Variants in SLC24A2 observed in about 807,000 individuals in gnomAD.
The protein encoded by SLC24A2 is sodium/potassium/calcium exchanger 2.
Under a neutral mutation model 62.0 loss-of-function variants are expected in SLC24A2, and 36 were observed. That is an observed-to-expected ratio of 0.58 (90% CI 0.44 to 0.77). The LOEUF is 0.77. SLC24A2 is among the 30% of genes least tolerant of loss of function. SLC24A2 has a pLI of 0.00. For missense variants in SLC24A2, 846 were observed against 817.9 expected (o/e 1.03, Z -0.42); for synonymous variants, 358 against 294.0 (o/e 1.22, Z -2.23).
intron 8 of SLC24A2, among the ~76,000 whole-genome samples, chr9:19,542,351 G>C (rs202033479): frequency 6.6e-6 from 1 of 152,198 alleles, no homozygotes; most frequent in Non-Finnish European, 1.5e-5. Context: ...TGGGACAATA[G>C]AGTTTTCTAA....
the SLC24A2 span, among the ~76,000 whole-genome samples, chr9:20,127,099 T>A: frequency 6.6e-6 from 1 of 152,180 alleles, no homozygotes; most frequent in African/African-American, 2.4e-5. Context: ...CTTCTCTTCA[T>A]GTCTTTAAAA....
At chr9:20,193,152 T>C in the SLC24A2 span, among the ~76,000 whole-genome samples, 2 of 152,280 alleles carry the variant, frequency 1.3e-5, no homozygotes, top group East Asian at 1.9e-4. Flanking sequence ...CATGCCTTGA[T>C]ATTGAGTATA....
At chr9:20,019,136 A>G in the SLC24A2 span, among the ~76,000 whole-genome samples, 1 of 132,996 alleles carries the variant, frequency 7.5e-6, no homozygotes, top group African/African-American at 3.2e-5. Flanking sequence ...AAAGAAAGAA[A>G]GAAAGAAAGA....
chr9:20,180,748 A>C, the SLC24A2 span, among the ~76,000 whole-genome samples: 2 of 152,156 alleles, frequency 1.3e-5, no homozygotes, highest in African/African-American at 2.4e-5. Context: ...ACAAACCTCC[A>C]AGCCATGTAG....
At chr9:19,721,954 G>A (rs1821038986) in intron 2 of SLC24A2, among the ~76,000 whole-genome samples, 1 of 151,960 alleles carries the variant, frequency 6.6e-6, no homozygotes, top group Admixed American at 6.6e-5. Flanking sequence ...CTCTTTGTCT[G>A]TCTTTTACTC....
At chr9:19,844,539 T>A in the SLC24A2 span, among the ~76,000 whole-genome samples, 1 of 152,130 alleles carries the variant, frequency 6.6e-6, no homozygotes, top group Non-Finnish European at 1.5e-5. Flanking sequence ...TTTGTCAATT[T>A]TTTTTGTTGT....
chr9:20,051,008 ATAGT>A, the SLC24A2 span, among the ~76,000 whole-genome samples: 1 of 152,228 alleles, frequency 6.6e-6, no homozygotes, highest in African/African-American at 2.4e-5. Flanking sequence ...TAGAAGGTAC[ATAGT>A]GAGATGGTAG....
At chr9:19,712,208 T>G (rs779938604) in intron 2 of SLC24A2, among the ~76,000 whole-genome samples, 7 of 152,214 alleles carry the variant, frequency 4.6e-5, no homozygotes, top group Admixed American at 1.3e-4. Context: ...GTTAGGAATG[T>G]GATGTGGCTA....
chr9:19,543,392 T>C (rs1380157345), intron 8 of SLC24A2, among the ~76,000 whole-genome samples: 1 of 14,498 alleles, frequency 6.9e-5, no homozygotes, highest in Non-Finnish European at 3.1e-4. Flanking sequence ...GATTCATTGA[T>C]TTTTTTTTTT....
At chr9:19,889,996 T>A in the SLC24A2 span, among the ~76,000 whole-genome samples, 1 of 151,502 alleles carries the variant, frequency 6.6e-6, no homozygotes, top group African/African-American at 2.4e-5. Flanking sequence ...TCCATACTTC[T>A]CTTTGCACAC....
chr9:19,559,505 G>A (rs1334110047), intron 7 of SLC24A2, among the ~76,000 whole-genome samples: 1 of 152,164 alleles, frequency 6.6e-6, no homozygotes, highest in Non-Finnish European at 1.5e-5. Context: ...CAGGGGGCAA[G>A]ACTCATAATA....
At chr9:19,745,931 T>C (rs1821818755) in intron 2 of SLC24A2, among the ~76,000 whole-genome samples, 1 of 152,172 alleles carries the variant, frequency 6.6e-6, no homozygotes, top group Non-Finnish European at 1.5e-5. Flanking sequence ...TGACATATCA[T>C]AGCCCTTTCT....
chr9:20,246,649 G>C, the SLC24A2 span, among the ~76,000 whole-genome samples: 2 of 152,220 alleles, frequency 1.3e-5, no homozygotes, highest in Non-Finnish European at 2.9e-5. Flanking sequence ...AGAAAAGAGG[G>C]AAAAAATTCA....
At chr9:19,724,635 G>A (rs990508452) in intron 2 of SLC24A2, among the ~76,000 whole-genome samples, 7 of 152,122 alleles carry the variant, frequency 4.6e-5, no homozygotes, top group Non-Finnish European at 7.4e-5. Flanking sequence ...ATTTGTAAAC[G>A]GAGAACATTC....
At chr9:20,044,429 G>T in the SLC24A2 span, among the ~76,000 whole-genome samples, 24 of 152,132 alleles carry the variant, frequency 1.6e-4, no homozygotes, top group African/African-American at 5.3e-4. Context: ...GAACCACCAT[G>T]AACGCATGGG....
chr9:19,547,092 T>A (rs773329095), intron 8 of SLC24A2, among the ~76,000 whole-genome samples: 5 of 152,208 alleles, frequency 3.3e-5, no homozygotes, highest in African/African-American at 4.8e-5. Flanking sequence ...AGCAACCCTG[T>A]CTTTATGTCT....
At chr9:20,275,730 T>C in the SLC24A2 span, among the ~76,000 whole-genome samples, 1 of 152,176 alleles carries the variant, frequency 6.6e-6, no homozygotes, top group Non-Finnish European at 1.5e-5. Flanking sequence ...TGCCCAAGAC[T>C]GGGTAATTAT....
the SLC24A2 span, among the ~76,000 whole-genome samples, chr9:20,063,127 C>G: frequency 7.4e-6 from 1 of 135,090 alleles, no homozygotes; most frequent in Admixed American, 8.1e-5. Context: ...TTTGACACAG[C>G]CATCCCATTA....
chr9:19,659,065 G>C (rs1819019496), intron 2 of SLC24A2, among the ~76,000 whole-genome samples: 1 of 152,164 alleles, frequency 6.6e-6, no homozygotes, highest in African/African-American at 2.4e-5. Context: ...TTTGGAAACA[G>C]GATTGTTGCA....
Sources: gnomAD v4.1 joint callset for allele counts (sites outside exome capture counted in the v4.1 genomes callset) on GRCh38, gnomAD v4.1.1 for gene constraint, MANE v1.5 for transcripts, NCBI Gene and HGNC (gene_info 2026-07-23, HGNC 2026-07-21) for gene names.